ATP2B2: variants seen among roughly 807,000 people sequenced by gnomAD.
ATP2B2 encodes ATPase plasma membrane Ca2+ transporting 2.
Under a neutral mutation model 120.0 loss-of-function variants are expected in ATP2B2, and 15 were observed. The observed-to-expected ratio is 0.12, with a 90% CI of 0.08 to 0.19. The LOEUF is 0.19. ATP2B2 is among the 10% of genes least tolerant of loss of function. The pLI, the probability that ATP2B2 is intolerant of heterozygous loss-of-function variation, is 1.00. For synonymous variants in ATP2B2, 694 were observed against 700.3 expected (o/e 0.99, Z 0.14); for missense variants, 1,045 against 1,719.8 (o/e 0.61, Z 6.94).
At chr3:10,440,100 TAAAAAAAAAAAA>T (rs71055819) in intron 2 of ATP2B2, among the ~76,000 whole-genome samples, 4 of 28,142 alleles carry the variant, frequency 1.4e-4, no homozygotes, top group African/African-American at 4.4e-4. Context: ...AGACTCTATC[TAAAAAAAAAAAA>T]AAAAAAAAAA....
At chr3:10,666,711 A>G (rs2070948025) in intron 1 of ATP2B2, among the ~76,000 whole-genome samples, 1 of 152,230 alleles carries the variant, frequency 6.6e-6, no homozygotes, top group South Asian at 2.1e-4. Context: ...AAGGAGGCTC[A>G]GTCCCTCCAG....
At chr3:10,693,949 C>T (rs567855880) in intron 1 of ATP2B2, among the ~76,000 whole-genome samples, 1 of 152,292 alleles carries the variant, frequency 6.6e-6, no homozygotes, top group South Asian at 2.1e-4. Flanking sequence ...AGTGGGCTTA[C>T]CAGGCCAGAG....
intron 6 of ATP2B2, among the ~76,000 whole-genome samples, chr3:10,387,190 C>T (rs1025550847): frequency 6.6e-6 from 1 of 152,230 alleles, no homozygotes; most frequent in Non-Finnish European, 1.5e-5. Flanking sequence ...TCAGTTTCAG[C>T]CTCAGCACCC....
intron 1 of ATP2B2, among the ~76,000 whole-genome samples, chr3:10,462,228 G>T (rs2064523078): frequency 1.3e-5 from 2 of 152,172 alleles, no homozygotes; most frequent in African/African-American, 4.8e-5. Flanking sequence ...CAGGCCCTCA[G>T]GCTCTCCTAA....
At chr3:10,610,908 T>G (rs1488078756) in intron 2 of ATP2B2, among the ~76,000 whole-genome samples, 1 of 152,174 alleles carries the variant, frequency 6.6e-6, no homozygotes, top group Non-Finnish European at 1.5e-5. Flanking sequence ...CAGCAGAGGC[T>G]GGAGAGCTTC....
At chr3:10,529,956 C>T (rs887102353) in intron 3 of ATP2B2, among the ~76,000 whole-genome samples, 2 of 152,124 alleles carry the variant, frequency 1.3e-5, no homozygotes, top group East Asian at 1.9e-4. Flanking sequence ...GGAGAGAGGC[C>T]GGGAAAGAGT....
chr3:10,549,558 T>G (rs1002523643), intron 2 of ATP2B2, among the ~76,000 whole-genome samples: 2 of 152,256 alleles, frequency 1.3e-5, no homozygotes, highest in Non-Finnish European at 2.9e-5. Context: ...AATACTAGCA[T>G]GTCCTATCAC....
chr3:10,346,083 T>C lies in ATP2B2; in HGVS notation c.2459A>G (p.Asp820Gly). 1 of 1,611,758 alleles carries C rather than the reference T, an allele frequency of 6.2e-7. No homozygotes were observed. ...GAGTGCAGGCCCGTCGTTGGTCCCG[T>C]CCCCCGTCACGGCCACCACCTGCCG... The part of the protein sequence containing the change: ...EQRQVVAVTG[D>G]GTNDGPALKK... Residue 820 changes from aspartate (D) to glycine (G), a missense_variant, in exon 17 of 23, where the codon GAC (aspartate) becomes GGC (glycine). Asp to Gly is a moderately conservative substitution (Grantham distance 94, BLOSUM62 -1). Transcript: ENST00000360273. The surrounding 1 kb of genome is among the most constrained non-coding windows in gnomAD (Gnocchi z 4.1).
At chr3:10,382,087 G>A (rs61480071) in intron 8 of ATP2B2, among the ~76,000 whole-genome samples, 28,477 of 150,922 alleles carry the variant, frequency 0.19, 3,165 homozygotes, top group East Asian at 0.37. Flanking sequence ...GTGCAGTGGC[G>A]TGATCTTGGT....
chr3:10,700,163 C>G (rs2071795885), intron 1 of ATP2B2, among the ~76,000 whole-genome samples: 1 of 152,068 alleles, frequency 6.6e-6, no homozygotes. Context: ...CTCCATGACA[C>G]CCACCTCTGC....
intron 1 of ATP2B2, among the ~76,000 whole-genome samples, chr3:10,451,185 G>A (rs773695756): frequency 2.0e-5 from 3 of 152,214 alleles, no homozygotes; most frequent in Non-Finnish European, 4.4e-5. Context: ...GCTGAGGAGT[G>A]CAGAAGGAGA....
At chr3:10,593,249 C>T (rs2068685650) in intron 2 of ATP2B2, among the ~76,000 whole-genome samples, 1 of 152,218 alleles carries the variant, frequency 6.6e-6, no homozygotes, top group Non-Finnish European at 1.5e-5. Flanking sequence ...TTACTAAATT[C>T]TAGTTCTTAA....
chr3:10,504,044 T>C (rs2066501897), intron 1 of ATP2B2, among the ~76,000 whole-genome samples: 1 of 152,198 alleles, frequency 6.6e-6, no homozygotes, highest in Non-Finnish European at 1.5e-5. Context: ...GCACTACTTA[T>C]GGGTACTATA....
chr3:10,342,473 C>T lies in ATP2B2; in HGVS notation c.2917+279G>A, dbSNP rs571192289. On this transcript the variant is annotated intron_variant, in intron 19 of 22. Transcript: ENST00000360273. The surrounding 1 kb of genome is among the most constrained non-coding windows in gnomAD (Gnocchi z 4.4). ...GGCTGCCATGCAGTGCTTCAGCACC[C>T]GGTCAGGGCCTTGCACGGTCTGTAC... is the stretch of plus-strand genomic sequence containing the variant. Among the ~76,000 whole-genome samples the T allele has an allele frequency of 2.6e-5, 4 of 152,178 alleles. No homozygotes were observed. The highest frequency in any genetic ancestry group is 1.3e-4 in the Admixed American group (2 of 15,286).
At chr3:10,658,140 A>T (rs1394093653) in intron 1 of ATP2B2, among the ~76,000 whole-genome samples, 3 of 152,216 alleles carry the variant, frequency 2.0e-5, no homozygotes, top group Non-Finnish European at 1.5e-5. Flanking sequence ...AACCACAAAG[A>T]TGGGGAAAAA....
chr3:10,365,076 C>G (rs1278650070), intron 12 of ATP2B2, among the ~76,000 whole-genome samples: 1 of 152,232 alleles, frequency 6.6e-6, no homozygotes, highest in Non-Finnish European at 1.5e-5. Context: ...TCATGCACAA[C>G]TGAGGCCGGG....
At chr3:10,405,162 C>T (rs2062366162) in intron 3 of ATP2B2, among the ~76,000 whole-genome samples, 1 of 152,190 alleles carries the variant, frequency 6.6e-6, no homozygotes, top group Non-Finnish European at 1.5e-5. Flanking sequence ...AGCTAAGGGC[C>T]TGGCACATGA....
Position 10,478,308 on chromosome 3 carries a change from C to G in ATP2B2, c.-320+27157G>C, listed in dbSNP as rs980141606. 9.2e-5 allele frequency among the ~76,000 whole-genome samples: 14 copies of G among 152,180 alleles called. 1 individual carries two copies. The highest frequency in any genetic ancestry group is 6.5e-4 in the Admixed American group (10 of 15,272). On this transcript the variant is annotated intron_variant, in intron 1 of 22. Coordinates refer to ENST00000360273, the MANE Select transcript of ATP2B2 (RefSeq NM_001001331.4). The stretch of plus-strand genomic sequence containing the variant: ...TATGTAATTTGAAGATATTTCTTCT[C>G]ATTCCATGGGTTGTCTTTGTACTCT...
In ATP2B2 at chr3:10,677,399, T is replaced by G. The variant is rs570433613; in HGVS notation, c.-460+30516A>C. 4.8e-4 allele frequency among the ~76,000 whole-genome samples: 73 copies of G among 151,618 alleles called. 1 individual carries two copies. The highest frequency in any genetic ancestry group is 3.9e-3 in the Admixed American group (60 of 15,242). ...GAAAATGATCAGTGGTCAACAGGGGTTGGGGGAAGGGAGGGATGGATAGGT... is the reference window on the plus strand; with the variant it reads ...GAAAATGATCAGTGGTCAACAGGGGGTGGGGGAAGGGAGGGATGGATAGGT... On this transcript the variant is annotated intron_variant, in intron 1 of 21. Transcript: ENST00000646379.
Sources: allele counts gnomAD v4.1 joint callset (sites outside exome capture counted in the v4.1 genomes callset), GRCh38; gene constraint gnomAD v4.1.1; non-coding constraint Gnocchi (gnomAD v3.1); transcripts MANE v1.5; gene names NCBI Gene and HGNC (gene_info 2026-07-23, HGNC 2026-07-21).